The following GRM7 variants were observed in gnomAD, a reference collection of about 807,000 sequenced individuals.
The protein encoded by GRM7 is metabotropic glutamate receptor 7.
Under a neutral mutation model 84.5 loss-of-function variants are expected in GRM7, and 35 were observed. That is an observed-to-expected ratio of 0.41 (90% CI 0.32 to 0.55). GRM7 has a LOEUF of 0.55. Ranked by LOEUF, GRM7 falls within the 20% of genes least tolerant of loss-of-function variation. The probability of loss-of-function intolerance (pLI) is 0.19; values close to 1 mark genes in which losing one functional copy is unlikely to be tolerated. For missense variants in GRM7, 1,003 were observed against 1,194.6 expected (o/e 0.84, Z 2.36); for synonymous variants, 487 against 455.1 (o/e 1.07, Z -0.89).
At chr3:7,111,031 A>C (rs1339841035) in intron 1 of GRM7, among the ~76,000 whole-genome samples, 1 of 152,034 alleles carries the variant, frequency 6.6e-6, no homozygotes, top group Non-Finnish European at 1.5e-5. Context: ...CTGTGTTTCA[A>C]GTCATTAAAA....
At chr3:7,100,683 A>G (rs1279615631) in intron 1 of GRM7, among the ~76,000 whole-genome samples, 1 of 151,758 alleles carries the variant, frequency 6.6e-6, no homozygotes, top group Non-Finnish European at 1.5e-5. Flanking sequence ...TAAGAGAGGA[A>G]TTTTAAGAGT....
At chr3:7,313,199 G>A (rs1232205590) in intron 4 of GRM7, among the ~76,000 whole-genome samples, 2 of 152,104 alleles carry the variant, frequency 1.3e-5, no homozygotes, top group East Asian at 1.9e-4. Context: ...AAAGTGCTGG[G>A]ATTACAGGCG....
chr3:6,873,322 C>T (rs2124946748), intron 1 of GRM7, among the ~76,000 whole-genome samples: 1 of 152,276 alleles, frequency 6.6e-6, no homozygotes. Flanking sequence ...ATCCTTTGGT[C>T]TTGGCCTCCC....
intron 2 of GRM7, among the ~76,000 whole-genome samples, chr3:7,240,897 G>C (rs1459302198): frequency 3.9e-5 from 6 of 152,254 alleles, no homozygotes; most frequent in Non-Finnish European, 8.8e-5. Flanking sequence ...ACCTACCACT[G>C]TGTTTTAATT....
At chr3:7,270,343 G>A (rs918807847) in intron 2 of GRM7, among the ~76,000 whole-genome samples, 2 of 152,140 alleles carry the variant, frequency 1.3e-5, no homozygotes, top group Admixed American at 6.5e-5. Flanking sequence ...TAACTTCATT[G>A]AGGACAAAGA....
At chr3:7,465,271 C>T (rs7633350) in intron 7 of GRM7, among the ~76,000 whole-genome samples, 11 of 152,038 alleles carry the variant, frequency 7.2e-5, no homozygotes, top group Admixed American at 2.6e-4. Flanking sequence ...CCTAAAAGAG[C>T]GAATGACAAC....
chr3:7,416,304 T>C (rs765358560), intron 5 of GRM7, among the ~76,000 whole-genome samples: 16 of 152,174 alleles, frequency 1.1e-4, no homozygotes, highest in Non-Finnish European at 2.9e-5. Context: ...TCTTATCAAC[T>C]AGACCTCTTT....
intron 7 of GRM7, among the ~76,000 whole-genome samples, chr3:7,528,956 G>A (rs1700920500): frequency 6.6e-6 from 1 of 152,026 alleles, no homozygotes; most frequent in East Asian, 1.9e-4. Flanking sequence ...CTTAGAGTAT[G>A]TTCATGTGCA....
intron 3 of GRM7, among the ~76,000 whole-genome samples, chr3:7,304,995 A>G (rs936461620): frequency 6.6e-6 from 1 of 152,138 alleles, no homozygotes; most frequent in East Asian, 1.9e-4. Context: ...TTCCCAGGGA[A>G]TCAGATTGGC....
rs17653570 is a variant in GRM7, at chr3:7,349,417, G to A, written c.1033+42765G>A. On this transcript the variant is annotated intron_variant, in intron 4 of 9. Transcript: ENST00000357716. ...AATGGCTAGCTGTTCCTCAAGCACA[G>A]TATGAATATTTCTGATTTGGAATTT... Among the ~76,000 whole-genome samples the A allele has an allele frequency of 9.4e-3, 1,434 of 152,234 alleles. 12 individuals are homozygous for A. The highest frequency in any genetic ancestry group is 0.027 in the Admixed American group (411 of 15,272).
At chr3:7,406,836 A>G (rs536102751) in intron 4 of GRM7, among the ~76,000 whole-genome samples, 1 of 152,206 alleles carries the variant, frequency 6.6e-6, no homozygotes, top group Non-Finnish European at 1.5e-5. Flanking sequence ...AGATCAAAAA[A>G]TTTGCACATT....
intron 8 of GRM7, among the ~76,000 whole-genome samples, chr3:7,669,006 A>C (rs1358437835): frequency 2.0e-5 from 3 of 152,248 alleles, no homozygotes. Flanking sequence ...TCAGACTTAC[A>C]GGATTAAATA....
At chr3:6,919,470 A>C (rs544126724) in intron 1 of GRM7, among the ~76,000 whole-genome samples, 1 of 151,282 alleles carries the variant, frequency 6.6e-6, no homozygotes, top group African/African-American at 2.4e-5. Context: ...GGCCTCCCAA[A>C]GTGCTGGGAT....
rs146251597 is a variant in GRM7, at chr3:7,521,836, C to A, written c.1516-56586C>A. On this transcript the variant is annotated intron_variant, in intron 7 of 9. Coordinates refer to ENST00000357716, the MANE Select transcript of GRM7 (RefSeq NM_000844.4). The stretch of plus-strand genomic sequence containing the variant: ...CGTAGAAACTCAGTGGGGACAAGGT[C>A]TTTCACCACTTTTCTGCATGCAAAA... 9.3e-4 allele frequency among the ~76,000 whole-genome samples: 142 copies of A among 152,274 alleles called. 1 individual carries two copies. The highest frequency in any genetic ancestry group is 3.0e-3 in the African/African-American group (126 of 41,560).
At chr3:7,021,111 T>G (rs1695759785) in intron 1 of GRM7, among the ~76,000 whole-genome samples, 1 of 152,224 alleles carries the variant, frequency 6.6e-6, no homozygotes, top group South Asian at 2.1e-4. Context: ...TTTGAGCTAT[T>G]AAATATACTT....
intron 7 of GRM7, among the ~76,000 whole-genome samples, chr3:7,465,416 AG>A (rs1559342107): frequency 6.6e-6 from 1 of 152,104 alleles, no homozygotes; most frequent in Non-Finnish European, 1.5e-5. Flanking sequence ...AATTGTGTTC[AG>A]GGGGATTAAA....
intron 2 of GRM7, among the ~76,000 whole-genome samples, chr3:7,181,263 C>T (rs1395581071): frequency 6.6e-6 from 1 of 152,124 alleles, no homozygotes; most frequent in African/African-American, 2.4e-5. Flanking sequence ...CCATATCTTC[C>T]ATACTATTTT....
chr3:7,465,955 A>C (rs966330377), intron 7 of GRM7, among the ~76,000 whole-genome samples: 10 of 152,162 alleles, frequency 6.6e-5, no homozygotes, highest in Non-Finnish European at 1.2e-4. Flanking sequence ...GTGGCCCAAG[A>C]GATGACTGCA....
chr3:7,071,245 T>C (rs1175384091), intron 1 of GRM7, among the ~76,000 whole-genome samples: 1 of 152,124 alleles, frequency 6.6e-6, no homozygotes, highest in Non-Finnish European at 1.5e-5. Flanking sequence ...ATTTCAGTCT[T>C]AGAAAGGGCA....
Sources: gnomAD v4.1 joint callset for allele counts (sites outside exome capture counted in the v4.1 genomes callset) on GRCh38, gnomAD v4.1.1 for gene constraint, MANE v1.5 for transcripts, NCBI Gene and HGNC (gene_info 2026-07-23, HGNC 2026-07-21) for gene names.